OSBPL9: variants seen among roughly 807,000 people sequenced by gnomAD.
The protein encoded by OSBPL9 is oxysterol binding protein like 9.
OSBPL9 carries 40 observed loss-of-function variants against 106.6 expected under a neutral mutation model. The observed-to-expected ratio is 0.38, with a 90% CI of 0.29 to 0.49. The LOEUF (loss-of-function observed/expected upper bound fraction) is 0.49. Ranked by LOEUF, OSBPL9 falls within the 20% of genes least tolerant of loss-of-function variation. The pLI, the probability that OSBPL9 is intolerant of heterozygous loss-of-function variation, is 0.97. For synonymous variants in OSBPL9, 269 were observed against 295.4 expected, an observed-to-expected ratio of 0.91 and a Z score of 0.92; for missense variants, 609 against 887.2, an observed-to-expected ratio of 0.69 and a Z score of 3.98.
intron 1 of OSBPL9, among the ~76,000 whole-genome samples, chr1:51,627,547 G>A (rs1005399683): frequency 3.3e-5 from 5 of 152,138 alleles, no homozygotes; most frequent in African/African-American, 7.2e-5. Flanking sequence ...TAGCTTTGTA[G>A]TAAGTTCTGA....
At chr1:51,675,116 A>C in intron 3 of OSBPL9, among the ~76,000 whole-genome samples, 1 of 152,212 alleles carries the variant, frequency 6.6e-6, no homozygotes, top group East Asian at 1.9e-4. Context: ...ATGTTGGCAC[A>C]GTGATGAAAT....
chr1:51,778,926 T>C (rs1170288260), intron 15 of OSBPL9, among the ~76,000 whole-genome samples: 4 of 152,170 alleles, frequency 2.6e-5, no homozygotes, highest in African/African-American at 9.7e-5. Flanking sequence ...TCATACAGGG[T>C]GTATATTCTA....
chr1:51,632,015 G>A (rs1216691010), intron 1 of OSBPL9, among the ~76,000 whole-genome samples: 1 of 152,138 alleles, frequency 6.6e-6, no homozygotes, highest in Non-Finnish European at 1.5e-5. Flanking sequence ...ACATGGAGCT[G>A]TCATCTCCTA....
At chr1:51,614,556 C>T (rs1403707271), upstream of OSBPL9, 1 of 152,190 alleles carries the variant, frequency 6.6e-6, no homozygotes, top group Non-Finnish European at 1.5e-5. Context: ...TCTCCCACCT[C>T]AACTTCCCAA....
intron 3 of OSBPL9, among the ~76,000 whole-genome samples, chr1:51,698,886 T>C (rs1373536936): frequency 1.3e-5 from 2 of 152,140 alleles, no homozygotes; most frequent in African/African-American, 4.8e-5. Flanking sequence ...ATATGAACAA[T>C]TTGTTGTGAT....
the OSBPL9 span, among the ~76,000 whole-genome samples, chr1:51,542,408 T>C: frequency 6.6e-6 from 1 of 152,214 alleles, no homozygotes; most frequent in Non-Finnish European, 1.5e-5. Flanking sequence ...CATATCTTGT[T>C]GCCCTCATTT....
At chr1:51,591,272 A>G (rs1645274068) in intron 1 of OSBPL9, among the ~76,000 whole-genome samples, 2 of 151,972 alleles carry the variant, frequency 1.3e-5, no homozygotes, top group African/African-American at 2.4e-5. Flanking sequence ...AGGTCTCACT[A>G]TGTTGCTCAG....
At chr1:51,673,375 A>G (rs1375969773) in intron 3 of OSBPL9, among the ~76,000 whole-genome samples, 1 of 152,236 alleles carries the variant, frequency 6.6e-6, no homozygotes, top group Admixed American at 6.5e-5. Context: ...GATGAGAAAT[A>G]TAGCAGTAAC....
chr1:51,691,624 T>C (rs1017267644), intron 3 of OSBPL9, among the ~76,000 whole-genome samples: 3 of 152,134 alleles, frequency 2.0e-5, no homozygotes, highest in Non-Finnish European at 2.9e-5. Context: ...ATAAGCTTTT[T>C]AATTTTTTTA....
intron 1 of OSBPL9, among the ~76,000 whole-genome samples, chr1:51,589,867 A>G (rs1469108394): frequency 6.6e-6 from 1 of 151,882 alleles, no homozygotes; most frequent in Non-Finnish European, 1.5e-5. Context: ...CCCCATCTCT[A>G]CTAAAAATAA....
At chr1:51,526,854 C>T in the OSBPL9 span, among the ~76,000 whole-genome samples, 1 of 152,068 alleles carries the variant, frequency 6.6e-6, no homozygotes, top group Non-Finnish European at 1.5e-5. Flanking sequence ...AAGCGATTCT[C>T]ATGCCTCAGC....
intron 4 of OSBPL9, among the ~76,000 whole-genome samples, chr1:51,736,794 C>CCT (rs1665803589): frequency 6.6e-6 from 1 of 152,076 alleles, no homozygotes; most frequent in African/African-American, 2.4e-5. Context: ...TTTCTTTCAT[C>CCT]CTGTACTAGT....
chr1:51,574,640 G>T (rs1228811833), upstream of OSBPL9, among the ~76,000 whole-genome samples: 1 of 151,760 alleles, frequency 6.6e-6, no homozygotes, highest in Non-Finnish European at 1.5e-5. Flanking sequence ...AATAATAAAG[G>T]AAATGAATTT....
At chr1:51,564,052 C>CAAAAAAGAAAAAAAAAA in the OSBPL9 span, among the ~76,000 whole-genome samples, 1 of 27,386 alleles carries the variant, frequency 3.7e-5, no homozygotes, top group African/African-American at 1.2e-4. Context: ...GAGATCATCT[C>CAAAAAAGAAAAAAAAAA]AAAAAAAAAA....
rs543543302 is a variant in OSBPL9, at chr1:51,723,664, A to T, written c.318+9585A>T. 2.0e-5 allele frequency among the ~76,000 whole-genome samples: 3 copies of T among 152,222 alleles called. No individual in the cohort carries two copies. The South Asian group carries it at 6.2e-4, about 32-fold the overall frequency. On this transcript the variant is annotated intron_variant, in intron 4 of 23. Coordinates refer to ENST00000428468, the MANE Select transcript of OSBPL9 (RefSeq NM_024586.6). ...TGGGCTCAAGTGATCCTCCTGCGTT[A>T]GCCTCCTGAGTAGCTGGGATCACAG...
intron 3 of OSBPL9, among the ~76,000 whole-genome samples, chr1:51,690,666 G>A (rs189730341): frequency 6.6e-6 from 1 of 152,224 alleles, no homozygotes; most frequent in East Asian, 1.9e-4. Context: ...CACCTATATG[G>A]GTGGCATTAT....
At chr1:51,741,426 C>T (rs943553990) in intron 4 of OSBPL9, among the ~76,000 whole-genome samples, 1 of 149,586 alleles carries the variant, frequency 6.7e-6, no homozygotes, top group Non-Finnish European at 1.5e-5. Flanking sequence ...TTCCTTCCAT[C>T]CTTCCTTCTC....
At chr1:51,584,148 G>A (rs1358313483) in intron 1 of OSBPL9, among the ~76,000 whole-genome samples, 1 of 152,080 alleles carries the variant, frequency 6.6e-6, no homozygotes, top group Non-Finnish European at 1.5e-5. Flanking sequence ...AAGCCACTGT[G>A]CCCGGTTTCT....
intron 1 of OSBPL9, among the ~76,000 whole-genome samples, chr1:51,593,816 CCA>C (rs1645287642): frequency 6.6e-6 from 1 of 151,470 alleles, no homozygotes; most frequent in African/African-American, 2.4e-5. Flanking sequence ...ATCCAGGGAT[CCA>C]TGGTGGAATG....
Sources: allele counts gnomAD v4.1 joint callset (sites outside exome capture counted in the v4.1 genomes callset), GRCh38; gene constraint gnomAD v4.1.1; transcripts MANE v1.5; gene names NCBI Gene and HGNC (gene_info 2026-07-23, HGNC 2026-07-21).